The following AKAP10 variants were observed in gnomAD, a reference collection of about 807,000 sequenced individuals.
AKAP10 encodes the protein A-kinase anchor protein 10, mitochondrial.
A neutral mutation model predicts 80.8 loss-of-function variants in AKAP10; 24 were observed. The ratio of observed to expected loss-of-function variants is 0.30; its 90% CI spans 0.22 to 0.42. AKAP10 has a LOEUF of 0.42. Among genes scored for constraint, AKAP10 ranks in the 10% least tolerant of loss-of-function variants. AKAP10 has a pLI of 1.00. For missense variants in AKAP10, 661 were observed against 794.9 expected (o/e 0.83, Z 2.03); for synonymous variants, 291 against 277.7 (o/e 1.05, Z -0.48).
intron 1 of AKAP10, among the ~76,000 whole-genome samples, chr17:19,977,246 T>C (rs1205336056): frequency 6.6e-6 from 1 of 152,124 alleles, no homozygotes; most frequent in Non-Finnish European, 1.5e-5. Context: ...CATAATAAGG[T>C]TCTAAAGAGA....
At chr17:19,953,351 A>G (rs188306117) in intron 4 of AKAP10, among the ~76,000 whole-genome samples, 5 of 149,072 alleles carry the variant, frequency 3.4e-5, no homozygotes, top group Admixed American at 1.3e-4. Context: ...CAACTTGGAG[A>G]AAAAAAAAAG....
chr17:19,914,889 A>G (rs2042729025), intron 12 of AKAP10, among the ~76,000 whole-genome samples: 1 of 152,188 alleles, frequency 6.6e-6, no homozygotes, highest in African/African-American at 2.4e-5. Flanking sequence ...AGCTCAGTCC[A>G]TGAAAGGAGT....
In AKAP10 at chr17:19,970,836, T is replaced by A. The variant is rs867998382; in HGVS notation, c.89-2375A>T. On this transcript the variant is annotated intron_variant, in intron 1 of 14. Coordinates refer to ENST00000225737, the MANE Select transcript of AKAP10 (RefSeq NM_007202.4). ...AGACTCTGTCTTAAAAAAAAAAAAA[T>A]AAATAAATAAATAAAGACATTTTCC... 9.9e-3 allele frequency among the ~76,000 whole-genome samples: 1,506 copies of A among 151,694 alleles called. 6 individuals are homozygous for A. The highest frequency in any genetic ancestry group is 0.021 in the Middle Eastern group (6 of 292).
At chr17:19,962,730 T>C in intron 3 of AKAP10, 110 bp downstream of exon 3, 1 of 1,165,548 alleles carries the variant, frequency 8.6e-7, no homozygotes, top group Non-Finnish European at 1.2e-6. Flanking sequence ...TTAAATACAT[T>C]TTTTCCAAAG....
At position 19,931,995 on chromosome 17, in the gene AKAP10, G is replaced by A. The variant is rs773527692; in HGVS notation, c.1468-17C>T. 1.9e-6 allele frequency: 3 copies of A among 1,594,890 alleles called. No individual in the cohort carries two copies. The highest frequency in any genetic ancestry group is 1.7e-6 in the Non-Finnish European group (2 of 1,172,082). On this transcript the variant is annotated splice_polypyrimidine_tract_variant and intron_variant, in intron 9 of 14. Transcript: ENST00000225737. ...CAAAAAGACCTGATAGAGATGAAAA[G>A]CATTATTTTAAAGTTGAAATCAAAT... is the stretch of plus-strand genomic sequence containing the variant.
chr17:19,914,936 T>C (rs975039657), intron 12 of AKAP10, among the ~76,000 whole-genome samples: 2 of 152,102 alleles, frequency 1.3e-5, no homozygotes, highest in African/African-American at 4.8e-5. Flanking sequence ...GCAAGGGACA[T>C]CCACAGGTAA....
intron 8 of AKAP10, 51 bp downstream of exon 8, chr17:19,939,662 T>C (rs1163189558): frequency 2.5e-6 from 4 of 1,578,180 alleles, no homozygotes; most frequent in African/African-American, 2.7e-5. Context: ...CCACAAAACA[T>C]ATCAAATGTT....
intron 3 of AKAP10, among the ~76,000 whole-genome samples, chr17:19,961,713 T>C (rs564721263): frequency 1.3e-5 from 2 of 152,374 alleles, no homozygotes; most frequent in South Asian, 4.1e-4. Flanking sequence ...GTTTTTGTTT[T>C]GGAAGAACTT....
At chr17:19,950,372 C>A (rs1210185440) in intron 4 of AKAP10, among the ~76,000 whole-genome samples, 3 of 152,404 alleles carry the variant, frequency 2.0e-5, no homozygotes. Flanking sequence ...CGAGGCTGGA[C>A]TGTACTGCCG....
chr17:19,945,368 C>A (rs1008482987), intron 5 of AKAP10, among the ~76,000 whole-genome samples: 1 of 152,150 alleles, frequency 6.6e-6, no homozygotes, highest in African/African-American at 2.4e-5. Flanking sequence ...ATTCTTCAAA[C>A]AGGCAAACTC....
intron 7 of AKAP10, among the ~76,000 whole-genome samples, chr17:19,940,527 T>C (rs189906235): frequency 8.7e-4 from 115 of 132,676 alleles, no homozygotes; most frequent in Non-Finnish European, 1.4e-3. Context: ...ATGATGAGCA[T>C]AAGAAAAAAT....
intron 9 of AKAP10, among the ~76,000 whole-genome samples, chr17:19,934,488 T>C (rs565390594): frequency 2.6e-5 from 4 of 152,180 alleles, no homozygotes; most frequent in African/African-American, 7.2e-5. Flanking sequence ...GCTGGAACTA[T>C]AGGTGCATGC....
At chr17:19,929,999 CAA>C (rs11365343) in intron 10 of AKAP10, among the ~76,000 whole-genome samples, 60 of 81,832 alleles carry the variant, frequency 7.3e-4, no homozygotes, top group Non-Finnish European at 9.3e-4. Context: ...CAACAAAAAC[CAA>C]AAAAAAAAAA....
chr17:19,910,281 G>A (rs1242098976), intron 12 of AKAP10, among the ~76,000 whole-genome samples: 3 of 139,304 alleles, frequency 2.2e-5, no homozygotes, highest in African/African-American at 2.8e-5. Flanking sequence ...AGCTGAGATC[G>A]TGCCACTGCA....
intron 12 of AKAP10, among the ~76,000 whole-genome samples, chr17:19,919,501 T>A (rs564994273): frequency 6.6e-6 from 1 of 152,078 alleles, no homozygotes; most frequent in South Asian, 2.1e-4. Context: ...CTAGCCAACG[T>A]GGTGAAACCT....
Position 19,940,991 on chromosome 17 carries a change from G to A in AKAP10, c.1081C>T (p.Arg361Ter). The change falls in exon 7 of 15, where the codon CGA (arginine) becomes TGA (stop). Residue 361 changes from arginine (R) to a stop codon, truncating the protein, a stop_gained. Transcript: ENST00000225737. LOFTEE classifies it high-confidence loss of function. ...TGGTATTTACAGAAATGGTGACTTC[G>A]CAGAAACTCACTAAAGTGCCTGCAC... is the stretch of plus-strand genomic sequence containing the variant. The part of the protein sequence containing the change: ...MEQEHFSEFL[R>*]SHHFCKYQIE... 1 of 1,606,036 alleles carries A rather than the reference G, an allele frequency of 6.2e-7. No individual in the cohort carries two copies. The highest frequency in any genetic ancestry group is 8.5e-7 in the Non-Finnish European group (1 of 1,178,038).
intron 11 of AKAP10, among the ~76,000 whole-genome samples, chr17:19,921,026 T>C (rs954872305): frequency 2.0e-5 from 3 of 149,642 alleles, no homozygotes; most frequent in African/African-American, 7.4e-5. Flanking sequence ...AAGTCACTAA[T>C]AAAATCACCC....
intron 4 of AKAP10, among the ~76,000 whole-genome samples, chr17:19,949,939 A>G (rs563139798): frequency 6.6e-6 from 1 of 152,298 alleles, no homozygotes; most frequent in East Asian, 1.9e-4. Flanking sequence ...AAAAGTATGT[A>G]TATTGTAATT....
chr17:19,927,033 A>C (rs1186732100), intron 10 of AKAP10, among the ~76,000 whole-genome samples: 1 of 152,066 alleles, frequency 6.6e-6, no homozygotes, highest in East Asian at 1.9e-4. Context: ...TGAAGCAGGA[A>C]GACACTATTA....
Sources: allele counts gnomAD v4.1 joint callset (sites outside exome capture counted in the v4.1 genomes callset), GRCh38; gene constraint gnomAD v4.1.1; transcripts MANE v1.5; gene names NCBI Gene and HGNC (gene_info 2026-07-23, HGNC 2026-07-21).